The following RNF123 variants were observed in gnomAD, a reference collection of about 807,000 sequenced individuals.
The protein encoded by RNF123 is E3 ubiquitin-protein ligase RNF123.
In RNF123, 86 loss-of-function variants were observed where a neutral mutation model predicts 168.5. The ratio of observed to expected loss-of-function variants is 0.51; its 90% CI spans 0.43 to 0.61. The LOEUF (loss-of-function observed/expected upper bound fraction) is 0.61. Among genes scored for constraint, RNF123 ranks in the 20% least tolerant of loss-of-function variants. The pLI is 0.00. For synonymous variants in RNF123, 666 were observed against 689.1 expected (o/e 0.97, Z 0.52); for missense variants, 1,419 against 1,729.7 (o/e 0.82, Z 3.19).
chr3:49,695,873 C>T lies in RNF123; in HGVS notation c.168-1270C>T, dbSNP rs569155523. ...GCACTGACTGGCATTAGACAGTACC[C>T]TTTTCCCTCTAGGCCTGTGTGTTGA... On this transcript the variant is annotated intron_variant, in intron 3 of 38. Transcript: ENST00000327697. Among the ~76,000 whole-genome samples, 28 of 152,282 alleles carry T rather than the reference C, an allele frequency of 1.8e-4. No individual in the cohort carries two copies. The South Asian group carries it at 5.6e-3, about 30-fold the overall frequency.
intron 16 of RNF123, 51 bp downstream of exon 16, chr3:49,701,659 C>A: frequency 6.5e-7 from 1 of 1,532,482 alleles, no homozygotes; most frequent in Non-Finnish European, 9.0e-7. Flanking sequence ...GGCCCCTGGC[C>A]TGGGCATCTG....
At chr3:49,705,310 G>A in intron 23 of RNF123, 128 bp downstream of exon 23, 2 of 1,278,120 alleles carry the variant, frequency 1.6e-6, no homozygotes, top group Non-Finnish European at 2.2e-6. Context: ...TCCCAGGAGT[G>A]CAGGAAGCAC....
chr3:49,704,826 T>C (rs2108188652), intron 22 of RNF123, 70 bp downstream of exon 22: 1 of 1,454,080 alleles, frequency 6.9e-7, no homozygotes, highest in African/African-American at 1.4e-5. Flanking sequence ...AGGGGTCTCA[T>C]CCAGGGCCAC....
chr3:49,712,977 T>C (rs1295807683), intron 27 of RNF123: 1 of 701,702 alleles, frequency 1.4e-6, no homozygotes, highest in East Asian at 2.7e-5. Flanking sequence ...CCTTGCACCT[T>C]GACTCCCTGG....
intron 13 of RNF123, 33 bp from the exon 14 acceptor site, chr3:49,700,439 C>CAGTCATG: frequency 6.2e-7 from 1 of 1,612,524 alleles, no homozygotes; most frequent in Non-Finnish European, 8.5e-7. Flanking sequence ...GAAAAGGCCC[C>CAGTCATG]AGTCATGGCT....
intron 35 of RNF123, chr3:49,719,715 T>C: frequency 2.2e-6 from 1 of 454,366 alleles, no homozygotes; most frequent in Non-Finnish European, 4.0e-6. Context: ...TCCTAAATAC[T>C]CCCCCCAGGG....
chr3:49,720,679 G>T (rs911778781), intron 36 of RNF123, 26 bp downstream of exon 36: 2 of 1,595,578 alleles, frequency 1.3e-6, no homozygotes, highest in South Asian at 2.2e-5. Flanking sequence ...GGGCAGGTCA[G>T]GGAAATCTGG....
At chr3:49,717,998 A>G in intron 35 of RNF123, 1 of 1,613,648 alleles carries the variant, frequency 6.2e-7, no homozygotes, top group African/African-American at 1.3e-5. Context: ...GCGGACTCAG[A>G]GCCAGCCTTC....
chr3:49,700,116 A>C (rs897541782), intron 12 of RNF123, 111 bp from the exon 13 acceptor site: 2 of 1,486,256 alleles, frequency 1.3e-6, no homozygotes, highest in Non-Finnish European at 1.8e-6. Context: ...GTGTTGCTCG[A>C]GTGGCTCAAG....
At chr3:49,715,151 G>T (rs188570998) in intron 31 of RNF123, among the ~76,000 whole-genome samples, 5 of 152,286 alleles carry the variant, frequency 3.3e-5, no homozygotes, top group Non-Finnish European at 7.3e-5. Context: ...GCAGAGGACA[G>T]TAGAGGACAG....
chr3:49,719,628 G>T, intron 35 of RNF123: 1 of 627,284 alleles, frequency 1.6e-6, no homozygotes, highest in Non-Finnish European at 2.8e-6. Flanking sequence ...CGGTTCCCAG[G>T]TTGTGAGGCG....
rs1364361315 is a variant in RNF123, at chr3:49,697,390, C to T, written c.275C>T (p.Ser92Phe). Residue 92 changes from serine (S) to phenylalanine (F), a missense_variant, in exon 5 of 39, where the codon TCC (serine) becomes TTC (phenylalanine). Transcript: ENST00000327697. ...QGQVEGRLGP[S>F]TVVLDHTGGF... ...CAGGTTGAAGGGCGGCTTGGCCCAT[C>T]CACTGTGGTCCTGGACCACACAGGC... 2 of 1,609,840 alleles carry T rather than the reference C, an allele frequency of 1.2e-6. No individual in the cohort carries two copies. Among genetic ancestry groups the T allele is most frequent in the African/African-American group, 1.3e-5 (1 of 74,966 alleles).
intron 26 of RNF123, among the ~76,000 whole-genome samples, chr3:49,707,368 G>A (rs914059694): frequency 2.6e-5 from 4 of 152,174 alleles, no homozygotes; most frequent in Admixed American, 1.3e-4. Flanking sequence ...TGTGTGCCAG[G>A]TGCTGTCCTG....
At chr3:49,703,217 G>T (rs1044937410) in intron 20 of RNF123, among the ~76,000 whole-genome samples, 2 of 152,172 alleles carry the variant, frequency 1.3e-5, no homozygotes, top group African/African-American at 4.8e-5. Context: ...TTATGCAGCT[G>T]CTGGCTCTGA....
At position 49,699,030 on chromosome 3, in the gene RNF123, G is replaced by GT. The variant is rs2054323612; in HGVS notation, c.690dup (p.Met231TyrfsTer41). On this transcript the variant is annotated frameshift_variant, in exon 10 of 39. Coordinates refer to ENST00000327697, the MANE Select transcript of RNF123 (RefSeq NM_022064.5). LOFTEE classifies it high-confidence loss of function. This position sits in a 1 kb window ranked among gnomAD's most constrained non-coding sequence, Gnocchi z 4.8. Reference sequence around the variant, plus strand: ...TTTGAGAACCTGTCCAGGGGCCTGGGTATGGCCTACTTCCCAGCCATCAGC... The same window carrying GT: ...TTTGAGAACCTGTCCAGGGGCCTGGGTTATGGCCTACTTCCCAGCCATCAGC... 1 of 1,613,858 alleles carries GT rather than the reference G, an allele frequency of 6.2e-7. No individual in the cohort carries two copies. The highest frequency in any genetic ancestry group is 8.5e-7 in the Non-Finnish European group (1 of 1,180,040).
intron 3 of RNF123, among the ~76,000 whole-genome samples, chr3:49,693,276 C>T (rs2054204095): frequency 2.0e-5 from 3 of 150,830 alleles, no homozygotes; most frequent in Middle Eastern, 3.4e-3. Context: ...TCTTGATCTC[C>T]TGAGCTCGTG....
At chr3:49,692,706 A>G (rs2054192634) in intron 3 of RNF123, among the ~76,000 whole-genome samples, 1 of 152,242 alleles carries the variant, frequency 6.6e-6, no homozygotes, top group South Asian at 2.1e-4. Flanking sequence ...GCTGTCACAA[A>G]TAAGTGATAA....
At chr3:49,718,721 A>G in intron 35 of RNF123, 3 of 1,612,950 alleles carry the variant, frequency 1.9e-6, no homozygotes, top group Non-Finnish European at 2.5e-6. Context: ...AAGCATACGT[A>G]CTCGCGCGCA....
In RNF123 at chr3:49,719,803, G is replaced by A. The variant is rs1394445463; in HGVS notation, c.3501-708G>A. ...CCCTTTGTGCCCAATGGCCCCGCAT[G>A]ACCGCCAGATGGGGAGCAAGGCCAA... On this transcript the variant is annotated intron_variant, in intron 35 of 38. Transcript: ENST00000327697. The A allele has an allele frequency of 1.1e-5, 3 of 267,412 alleles. No homozygotes were observed. The South Asian group carries it at 3.2e-4, about 28-fold the overall frequency. The allele number at this position is 267,412 out of a possible 1,614,324, so 16.6% of individuals were successfully genotyped here. A position where few individuals can be genotyped will look rare whatever the true frequency, so the allele number is the denominator to read the frequency against.
Sources: allele counts gnomAD v4.1 joint callset (sites outside exome capture counted in the v4.1 genomes callset), GRCh38; gene constraint gnomAD v4.1.1; non-coding constraint Gnocchi (gnomAD v3.1); transcripts MANE v1.5; gene names NCBI Gene and HGNC (gene_info 2026-07-23, HGNC 2026-07-21).